The following OPCML variants were observed in gnomAD, a reference collection of about 807,000 sequenced individuals.
OPCML encodes opioid-binding protein/cell adhesion molecule.
Under a neutral mutation model 37.8 loss-of-function variants are expected in OPCML, and 13 were observed. That is an observed-to-expected ratio of 0.34 (90% CI 0.22 to 0.55). The LOEUF (loss-of-function observed/expected upper bound fraction) is 0.55, where lower values mean the gene tolerates loss of function less well. OPCML is among the 20% of genes least tolerant of loss of function. The pLI is 0.91. For missense variants in OPCML, 341 were observed against 435.6 expected (o/e 0.78, Z 1.93); for synonymous variants, 176 against 168.8 (o/e 1.04, Z -0.33).
chr11:132,762,859 T>C (rs1323305753), intron 2 of OPCML, among the ~76,000 whole-genome samples: 1 of 151,818 alleles, frequency 6.6e-6, no homozygotes, highest in African/African-American at 2.4e-5. Context: ...GCCACTGAGG[T>C]ACAAAAAAAT....
At position 133,140,667 on chromosome 11, in the gene OPCML, A is replaced by AAAAG. The variant is rs147745562; in HGVS notation, c.62-197661_62-197658dup. Among the ~76,000 whole-genome samples the AAAAG allele has an allele frequency of 2.3e-4, 32 of 140,136 alleles. No homozygotes were observed. The East Asian group carries it at 4.3e-3, about 19-fold the overall frequency. 91.9% of individuals were successfully genotyped at this position (140,136 alleles called of 152,430 possible). On this transcript the variant is annotated intron_variant, in intron 1 of 7. Transcript: ENST00000524381. ...GGAAGAGGAAGAGGAAGAAAAGAAG[A>AAAAG]AAAGAAGAAAGAAGAAAGATGGAAG...
chr11:132,658,209 GCAC>G (rs1941797793), intron 2 of OPCML, among the ~76,000 whole-genome samples: 1 of 152,182 alleles, frequency 6.6e-6, no homozygotes, highest in Non-Finnish European at 1.5e-5. Flanking sequence ...AAGTGTGGAG[GCAC>G]ACCCATCACT....
At chr11:133,381,694 A>G (rs4245115) in intron 1 of OPCML, among the ~76,000 whole-genome samples, 95,589 of 152,044 alleles carry the variant, frequency 0.63, 30,343 homozygotes, top group East Asian at 0.86. Context: ...CAGTGAGCGT[A>G]ACGAGTCAGA....
At chr11:133,530,087 G>C (rs1461438291) in intron 1 of OPCML, among the ~76,000 whole-genome samples, 1 of 152,200 alleles carries the variant, frequency 6.6e-6, no homozygotes, top group Non-Finnish European at 1.5e-5. Context: ...CCAGAAGATG[G>C]GGGCAGGGGG....
chr11:132,715,336 C>T (rs747764101), intron 2 of OPCML, among the ~76,000 whole-genome samples: 4 of 152,162 alleles, frequency 2.6e-5, no homozygotes, highest in South Asian at 2.1e-4. Context: ...AATTTCTGCC[C>T]GTGAGCTGTC....
intron 1 of OPCML, among the ~76,000 whole-genome samples, chr11:133,226,353 G>A (rs1390718834): frequency 1.3e-5 from 2 of 152,212 alleles, no homozygotes; most frequent in Admixed American, 6.5e-5. Context: ...GTTTTGGGGG[G>A]TTAGGGGTGT....
chr11:132,520,696 G>GTA (rs2096291060), intron 4 of OPCML, among the ~76,000 whole-genome samples: 1 of 148,668 alleles, frequency 6.7e-6, no homozygotes. Flanking sequence ...GTGTGTGTGT[G>GTA]TGTGTGTATG....
intron 3 of OPCML, among the ~76,000 whole-genome samples, chr11:132,587,072 A>G (rs976696175): frequency 1.9e-4 from 29 of 152,216 alleles, no homozygotes; most frequent in African/African-American, 6.8e-4. Flanking sequence ...CTCTGCAGCC[A>G]GTCCAGGCTG....
rs770549911 is a variant in OPCML at position 132,725,265 on chromosome 11, T to C, written c.147-67946A>G. 2.1e-3 allele frequency among the ~76,000 whole-genome samples: 316 copies of C among 152,330 alleles called. 1 individual carries two copies. The highest frequency in any genetic ancestry group is 3.6e-3 in the Non-Finnish European group (244 of 68,020). On this transcript the variant is annotated intron_variant, in intron 2 of 7. Coordinates refer to ENST00000524381, the MANE Select transcript of OPCML (RefSeq NM_001012393.5). ...GTGCACTGGCAGGCTCAACACCATGTGGAAGCTGCCAAGACTTGAGGCTTA... is the reference window on the plus strand; with the variant it reads ...GTGCACTGGCAGGCTCAACACCATGCGGAAGCTGCCAAGACTTGAGGCTTA...
At chr11:132,903,633 A>G (rs779689523) in intron 2 of OPCML, among the ~76,000 whole-genome samples, 1 of 152,180 alleles carries the variant, frequency 6.6e-6, no homozygotes, top group Non-Finnish European at 1.5e-5. Context: ...TTATCTCTAT[A>G]AAAATAAGTA....
intron 2 of OPCML, among the ~76,000 whole-genome samples, chr11:132,733,399 A>G (rs1249631387): frequency 3.9e-5 from 6 of 152,148 alleles, no homozygotes; most frequent in African/African-American, 1.4e-4. Flanking sequence ...TAAGAGGCAC[A>G]TAATATTTAG....
In OPCML at chr11:132,951,411, T is replaced by C. The variant is rs535765692; in HGVS notation, c.62-8401A>G. Among the ~76,000 whole-genome samples the C allele has an allele frequency of 3.3e-5, 5 of 152,290 alleles. No individual in the cohort carries two copies. The South Asian group carries it at 1.0e-3, about 32-fold the overall frequency. On this transcript the variant is annotated intron_variant, in intron 1 of 7. Transcript: ENST00000524381. ...CACGTGGGGAAGAAAACTCTCTCTG[T>C]TCTTAGAAGGCCACCAATTCTAAGG...
intron 1 of OPCML, among the ~76,000 whole-genome samples, chr11:132,996,353 C>T (rs1037740958): frequency 6.6e-6 from 1 of 151,788 alleles, no homozygotes; most frequent in Non-Finnish European, 1.5e-5. Flanking sequence ...GGTACAGTGG[C>T]TCATGCCTGT....
intron 3 of OPCML, among the ~76,000 whole-genome samples, chr11:132,643,265 A>G (rs11223167): frequency 0.034 from 5,219 of 152,270 alleles, 111 homozygotes; most frequent in Middle Eastern, 0.061. Context: ...TGACAGCGTG[A>G]GACTCCATCT....
At chr11:132,670,354 C>T (rs924583634) in intron 2 of OPCML, among the ~76,000 whole-genome samples, 2 of 152,128 alleles carry the variant, frequency 1.3e-5, no homozygotes, top group Admixed American at 6.5e-5. Context: ...TACCTGCCTA[C>T]ATATAATGTA....
chr11:132,444,548 ATCT>A (rs2096048049), intron 4 of OPCML, among the ~76,000 whole-genome samples: 2 of 152,164 alleles, frequency 1.3e-5, no homozygotes, highest in Admixed American at 6.5e-5. Context: ...TAGATGTCAC[ATCT>A]TCTACTTCCT....
chr11:132,500,138 C>G (rs1294121307), intron 4 of OPCML, among the ~76,000 whole-genome samples: 1 of 152,158 alleles, frequency 6.6e-6, no homozygotes, highest in Non-Finnish European at 1.5e-5. Context: ...CTCAGGGAAA[C>G]TAAGTCATCA....
chr11:132,802,701 G>C (rs1046751589), intron 2 of OPCML, among the ~76,000 whole-genome samples: 11 of 152,134 alleles, frequency 7.2e-5, no homozygotes, highest in African/African-American at 2.7e-4. Flanking sequence ...AAGGGTCTAT[G>C]TTCCTATCCT....
At chr11:133,479,025 A>G (rs576469160) in intron 1 of OPCML, among the ~76,000 whole-genome samples, 3 of 152,180 alleles carry the variant, frequency 2.0e-5, no homozygotes, top group East Asian at 3.9e-4. Flanking sequence ...CTTTTTTTGT[A>G]TCTGTATAAT....
Sources: allele counts gnomAD v4.1 joint callset (sites outside exome capture counted in the v4.1 genomes callset), GRCh38; gene constraint gnomAD v4.1.1; transcripts MANE v1.5; gene names NCBI Gene and HGNC (gene_info 2026-07-23, HGNC 2026-07-21).